The following NEK5 variants were observed in gnomAD, a reference collection of about 807,000 sequenced individuals.
NEK5 encodes NIMA related kinase 5.
NEK5 carries 88 observed loss-of-function variants against 109.2 expected under a neutral mutation model. The observed-to-expected ratio is 0.81, with a 90% CI of 0.68 to 0.96. The LOEUF is 0.96. NEK5 is among the 40% of genes least tolerant of loss of function. The pLI is 0.00. For missense variants in NEK5, 834 were observed against 920.7 expected, an observed-to-expected ratio of 0.91 and a Z score of 1.22; for synonymous variants, 283 against 299.9, an observed-to-expected ratio of 0.94 and a Z score of 0.58.
At position 52,108,366 on chromosome 13, in the gene NEK5, T is replaced by C. The variant is rs747319587; in HGVS notation, c.506A>G (p.Tyr169Cys). ...CTGACAGATCTCTGGGGACAGGTAG[T>C]AAGGTGTTCCAATACAAGTTCGAGC... Reference protein sequence around the residue: ...ELARTCIGTPYYLSPEICQNK... With the variant: ...ELARTCIGTPCYLSPEICQNK... The change falls in exon 8 of 24, where the codon TAC (tyrosine) becomes TGC (cysteine). Residue 169 changes from tyrosine (Y) to cysteine (C), a missense_variant. Coordinates refer to ENST00000684899, the MANE Select transcript of NEK5 (RefSeq NM_001365552.1). The C allele has an allele frequency of 6.5e-5, 104 of 1,611,396 alleles. No homozygotes were observed. Among genetic ancestry groups the C allele is most frequent in the East Asian group, 3.6e-4 (16 of 44,844 alleles).
chr13:52,041,778 A>G (rs1954416968), intron 23 of NEK5, among the ~76,000 whole-genome samples: 1 of 151,086 alleles, frequency 6.6e-6, no homozygotes, highest in African/African-American at 2.4e-5. Flanking sequence ...AACAAAGAAG[A>G]GAATAAAAAA....
At chr13:52,081,401 C>T (rs1955011002) in intron 17 of NEK5, among the ~76,000 whole-genome samples, 2 of 151,768 alleles carry the variant, frequency 1.3e-5, no homozygotes, top group African/African-American at 2.4e-5. Context: ...ACTATATTAC[C>T]AAGGCTGGTC....
intron 20 of NEK5, among the ~76,000 whole-genome samples, chr13:52,066,466 T>C (rs550695785): frequency 6.6e-6 from 1 of 151,652 alleles, no homozygotes; most frequent in African/African-American, 2.4e-5. Flanking sequence ...TATTCTGTGG[T>C]TTTTTTTTCT....
chr13:52,061,978 A>G (rs973258763), intron 21 of NEK5, 25 bp from the exon 22 acceptor site: 4 of 371,422 alleles, frequency 1.1e-5, no homozygotes, highest in African/African-American at 8.8e-5. Context: ...GTTATTAAAA[A>G]TAAAAATGCT....
chr13:52,087,989 G>A (rs528818879), intron 14 of NEK5, among the ~76,000 whole-genome samples: 23 of 146,800 alleles, frequency 1.6e-4, no homozygotes, highest in Non-Finnish European at 2.8e-4. Flanking sequence ...GTACAGTGGC[G>A]CAATCTTAGC....
Position 52,083,268 on chromosome 13 carries a change from G to A in NEK5, c.1564C>T (p.Pro522Ser). Residue 522 changes from proline to serine, a missense_variant, in exon 17 of 24, where the codon CCT (proline) becomes TCT (serine). Physicochemically the swap from Pro to Ser is moderately conservative, Grantham distance 74. Transcript: ENST00000684899. The part of the protein sequence containing the change: ...VHQDASEGEA[P>S]VQDIEKDLKQ... ...ATCATAGCCATCATTACCTGCACAG[G>A]TGCTTCTCCCTCAGATGCATCTTGA... 1 of 1,605,670 alleles carries A rather than the reference G, an allele frequency of 6.2e-7. No homozygotes were observed.
chr13:52,067,750 G>T (rs1415554715), intron 20 of NEK5, among the ~76,000 whole-genome samples: 1 of 150,220 alleles, frequency 6.7e-6, no homozygotes, highest in South Asian at 2.1e-4. Context: ...GGAGTGTGGT[G>T]GCACAATCTT....
intron 23 of NEK5, among the ~76,000 whole-genome samples, chr13:52,044,364 C>A (rs1954439174): frequency 6.6e-6 from 1 of 152,102 alleles, no homozygotes; most frequent in Non-Finnish European, 1.5e-5. Context: ...GGTGTTTGCC[C>A]ACAAGAAATG....
In NEK5 at chr13:52,064,206, G is replaced by A. The variant is rs1397422954; in HGVS notation, c.1975+1278C>T. 3.6e-3 allele frequency among the ~76,000 whole-genome samples: 449 copies of A among 126,252 alleles called. 1 individual carries two copies. The highest frequency in any genetic ancestry group is 0.012 in the African/African-American group (380 of 32,460). 82.8% of individuals were successfully genotyped at this position (126,252 alleles called of 152,430 possible). A position where few individuals can be genotyped will look rare whatever the true frequency, so the allele number is the denominator to read the frequency against. ...GGGTCAGCCCCCCGCCCGGCCAGCC[G>A]CCCCGTCCGGGAGGGAGGTGGGGGG... On this transcript the variant is annotated intron_variant, in intron 21 of 23. Transcript: ENST00000684899.
At chr13:52,092,319 G>A (rs140552427) in intron 13 of NEK5, among the ~76,000 whole-genome samples, 52 of 151,932 alleles carry the variant, frequency 3.4e-4, no homozygotes, top group African/African-American at 9.7e-4. Flanking sequence ...TAATTCCCAC[G>A]TAATTTATAA....
At chr13:52,106,417 T>C (rs774646852) in intron 8 of NEK5, among the ~76,000 whole-genome samples, 1 of 152,142 alleles carries the variant, frequency 6.6e-6, no homozygotes, top group Non-Finnish European at 1.5e-5. Context: ...TTTTTTTCCT[T>C]CTCCTTATAG....
intron 17 of NEK5, among the ~76,000 whole-genome samples, chr13:52,080,832 G>A (rs9568707): frequency 0.42 from 62,161 of 148,900 alleles, 14,746 homozygotes; most frequent in Non-Finnish European, 0.54. Flanking sequence ...TCCCTCCACT[G>A]TTGTCCTATG....
At chr13:52,042,217 A>T (rs1954420585) in intron 23 of NEK5, among the ~76,000 whole-genome samples, 1 of 151,874 alleles carries the variant, frequency 6.6e-6, no homozygotes, top group Non-Finnish European at 1.5e-5. Flanking sequence ...AAAGTTTACT[A>T]CTCACTGACA....
rs761269830 is a variant in NEK5, at chr13:52,071,950, C to G, written c.1843G>C (p.Glu615Gln). ...ACTTTCAAGAAACACATACCTGCTT[C>G]TGGGCAGTGAAGTTTTTCAAATGCT... is the stretch of plus-strand genomic sequence containing the variant. The part of the protein sequence containing the change: ...DKAFEKLHCP[E>Q]AGFSTQTVAA... The change falls in exon 20 of 24, where the codon GAA (glutamate) becomes CAA (glutamine). Residue 615 changes from glutamate (E) to glutamine (Q), a missense_variant. By Grantham distance (29) the Glu-to-Gln change is conservative. This residue lies in a region of NEK5 where 777 missense variants were observed against 824.7 expected (regional missense o/e 0.94). Transcript: ENST00000684899. The G allele has an allele frequency of 4.4e-5, 71 of 1,613,322 alleles. No individual in the cohort carries two copies. Among genetic ancestry groups the G allele is most frequent in the Middle Eastern group, 1.6e-4 (1 of 6,078 alleles).
Position 52,112,348 on chromosome 13 carries a change from TA to T in NEK5, c.231del (p.Phe77LeufsTer3). On this transcript the variant is annotated frameshift_variant, in exon 5 of 24. Coordinates refer to ENST00000684899, the MANE Select transcript of NEK5 (RefSeq NM_001365552.1). LOFTEE classifies it high-confidence loss of function. Reference sequence around the variant, plus strand: ...CCTCCATCACAATATTCCATTACAATAAACAGCCTGCCATTCTCTGTAAGAA... The same window carrying T: ...CCTCCATCACAATATTCCATTACAATAACAGCCTGCCATTCTCTGTAAGAA... The part of the protein sequence containing the change: ...FNSFQENGRL[F>X]IVMEYCDGGD... 6.2e-7 allele frequency: 1 copy of T among 1,603,048 alleles called. No homozygotes were observed. Among genetic ancestry groups the T allele is most frequent in the South Asian group, 1.1e-5 (1 of 90,726 alleles).
chr13:52,034,074 T>G lies in NEK5; in HGVS notation c.*2874A>C, dbSNP rs1431954171. 1 of 152,200 alleles carries G rather than the reference T, an allele frequency of 6.6e-6. No homozygotes were observed. The highest frequency in any genetic ancestry group is 6.5e-5 in the Admixed American group (1 of 15,276). 9.4% of individuals were successfully genotyped at this position (152,200 alleles called of 1,614,324 possible). A position where few individuals can be genotyped will look rare whatever the true frequency, so the allele number is the denominator to read the frequency against. ...CAGTTGTACTATATGCAAATGTTACTAGACACAGAGGAGGTCAAAGTGTTG... is the reference window on the plus strand; with the variant it reads ...CAGTTGTACTATATGCAAATGTTACGAGACACAGAGGAGGTCAAAGTGTTG... On this transcript the variant is annotated 3_prime_UTR_variant, in exon 24 of 24. Transcript: ENST00000684899.
Position 52,034,454 on chromosome 13 carries a change from CT to C in NEK5, c.*2493del, listed in dbSNP as rs965602832. 6.7e-6 allele frequency: 1 copy of C among 149,512 alleles called. No individual in the cohort carries two copies. Among genetic ancestry groups the C allele is most frequent in the African/African-American group, 2.5e-5 (1 of 40,540 alleles). The allele number at this position is 149,512 out of a possible 1,614,324, so 9.3% of individuals were successfully genotyped here. A position where few individuals can be genotyped will look rare whatever the true frequency, so the allele number is the denominator to read the frequency against. On this transcript the variant is annotated 3_prime_UTR_variant, in exon 24 of 24. Coordinates refer to ENST00000684899, the MANE Select transcript of NEK5 (RefSeq NM_001365552.1). ...TGACTATTACCTAAAATAGACTAGA[CT>C]TTAGCCAAGCATCTTTTATCATGGG...
rs370748187 is a variant in NEK5, at chr13:52,075,761, T to C, written c.1719A>G (p.Glu573=). The C allele has an allele frequency of 3.8e-6, 6 of 1,563,878 alleles. No individual in the cohort carries two copies. The African/African-American group carries it at 8.2e-5, about 21-fold the overall frequency. The stretch of plus-strand genomic sequence containing the variant: ...AAATTTAGACTTAATGGCATACCTC[T>C]TCCTCTTGGAGGATGTTTTCATCAG... ...CISDENILQE[E]EAMDIPNETL... is the part of the protein sequence containing the mutation. The change falls in exon 19 of 24, where the codon GAA becomes GAG. Residue 573 remains glutamate, a synonymous_variant. Transcript: ENST00000684899.
intron 16 of NEK5, among the ~76,000 whole-genome samples, chr13:52,085,515 T>A (rs1300280986): frequency 6.6e-6 from 1 of 152,054 alleles, no homozygotes; most frequent in Non-Finnish European, 1.5e-5. Context: ...GAGAGAGAGA[T>A]CAATTTCAGC....
Sources: gnomAD v4.1 joint callset for allele counts (sites outside exome capture counted in the v4.1 genomes callset) on GRCh38, gnomAD v4.1.1 for gene constraint, gnomAD v4.1.1 regional missense constraint, MANE v1.5 for transcripts, NCBI Gene and HGNC (gene_info 2026-07-23, HGNC 2026-07-21) for gene names.